The following GRID1 variants were observed in gnomAD, a reference collection of about 807,000 sequenced individuals.
GRID1 encodes the protein glutamate ionotropic receptor delta type subunit 1.
Under a neutral mutation model 98.0 loss-of-function variants are expected in GRID1, and 28 were observed. The observed-to-expected ratio is 0.29, with a 90% CI of 0.21 to 0.39. The LOEUF is 0.39. Ranked by LOEUF, GRID1 falls within the 10% of genes least tolerant of loss-of-function variation. GRID1 has a pLI of 1.00. For synonymous variants in GRID1, 553 were observed against 538.5 expected, an observed-to-expected ratio of 1.03 and a Z score of -0.37; for missense variants, 1,111 against 1,340.5, an observed-to-expected ratio of 0.83 and a Z score of 2.67.
chr10:86,301,120 G>A (rs1008040691), intron 2 of GRID1, among the ~76,000 whole-genome samples: 1 of 152,112 alleles, frequency 6.6e-6, no homozygotes, highest in Non-Finnish European at 1.5e-5. Context: ...TAGCTTTCAG[G>A]TGCCCCCCAC....
chr10:85,606,240 T>C (rs2255329), intron 15 of GRID1: 52,645 of 152,092 alleles, frequency 0.35, 9,236 homozygotes, highest in Middle Eastern at 0.51. Flanking sequence ...AACTCCCTAC[T>C]GCAGTTATCA....
At chr10:85,716,228 T>G (rs971265131) in intron 12 of GRID1, among the ~76,000 whole-genome samples, 15 of 152,142 alleles carry the variant, frequency 9.9e-5, no homozygotes, top group Non-Finnish European at 2.2e-4. Context: ...ACTTTTTATC[T>G]GCAAATAATT....
At chr10:85,825,185 TC>T (rs1262294368) in intron 8 of GRID1, among the ~76,000 whole-genome samples, 1 of 152,238 alleles carries the variant, frequency 6.6e-6, no homozygotes, top group Non-Finnish European at 1.5e-5. Flanking sequence ...TTTCACCACA[TC>T]CATGCCAACA....
At chr10:85,781,813 A>T (rs1842383934) in intron 8 of GRID1, among the ~76,000 whole-genome samples, 1 of 151,780 alleles carries the variant, frequency 6.6e-6, no homozygotes, top group African/African-American at 2.4e-5. Context: ...TTGAAAAAAA[A>T]AAAAACCAAA....
intron 8 of GRID1, among the ~76,000 whole-genome samples, chr10:85,753,569 C>A (rs955548865): frequency 5.3e-5 from 8 of 152,232 alleles, no homozygotes; most frequent in African/African-American, 1.9e-4. Context: ...TGTGAGATAT[C>A]CCATTGCTGG....
chr10:86,113,256 C>T (rs1206221593), intron 4 of GRID1, among the ~76,000 whole-genome samples: 1 of 152,162 alleles, frequency 6.6e-6, no homozygotes, highest in East Asian at 1.9e-4. Flanking sequence ...TCGTCTAGCC[C>T]ACATAACCCC....
chr10:86,337,465 G>A (rs945763664), intron 2 of GRID1, among the ~76,000 whole-genome samples: 1 of 152,116 alleles, frequency 6.6e-6, no homozygotes, highest in Non-Finnish European at 1.5e-5. Flanking sequence ...ACCACAGAAA[G>A]CCAGCACTCG....
chr10:86,174,043 G>A (rs574975404), intron 3 of GRID1, among the ~76,000 whole-genome samples: 8 of 152,120 alleles, frequency 5.3e-5, no homozygotes, highest in Non-Finnish European at 1.0e-4. Flanking sequence ...ACATACGTGT[G>A]CATGTGTCTT....
At chr10:86,345,207 C>T (rs912704086) in intron 2 of GRID1, among the ~76,000 whole-genome samples, 8 of 152,248 alleles carry the variant, frequency 5.3e-5, no homozygotes, top group Admixed American at 2.6e-4. Flanking sequence ...GGGCCTCGAG[C>T]TGCCATATGT....
chr10:86,291,556 G>A (rs1847512442), intron 2 of GRID1, among the ~76,000 whole-genome samples: 1 of 152,150 alleles, frequency 6.6e-6, no homozygotes, highest in Admixed American at 6.5e-5. Context: ...TTCAGCACAG[G>A]CCATCCACCT....
chr10:85,767,142 C>A (rs1017960293), intron 8 of GRID1, among the ~76,000 whole-genome samples: 27 of 152,296 alleles, frequency 1.8e-4, no homozygotes, highest in Admixed American at 8.5e-4. Context: ...AGAAGCTGGG[C>A]CACTCAGGCA....
chr10:85,866,556 T>G (rs1440495985), intron 6 of GRID1, among the ~76,000 whole-genome samples: 1 of 152,114 alleles, frequency 6.6e-6, no homozygotes, highest in Non-Finnish European at 1.5e-5. Flanking sequence ...TTTTTTAGTG[T>G]CATTTTGGCA....
intron 3 of GRID1, among the ~76,000 whole-genome samples, chr10:86,157,745 C>A (rs1161310623): frequency 6.6e-6 from 1 of 152,180 alleles, no homozygotes; most frequent in African/African-American, 2.4e-5. Flanking sequence ...ACCCTAGGGA[C>A]AACCTGGAAT....
intron 4 of GRID1, among the ~76,000 whole-genome samples, chr10:85,973,860 A>C (rs1171628783): frequency 6.6e-6 from 1 of 152,258 alleles, no homozygotes; most frequent in African/African-American, 2.4e-5. Context: ...CTGAAGTCAG[A>C]TTATGTGGAT....
chr10:85,914,570 T>G (rs1251767899), intron 5 of GRID1, among the ~76,000 whole-genome samples: 1 of 152,038 alleles, frequency 6.6e-6, no homozygotes, highest in Admixed American at 6.6e-5. Context: ...TTACTGCACG[T>G]CCCCAGCTGC....
intron 4 of GRID1, among the ~76,000 whole-genome samples, chr10:86,061,510 G>C (rs1398427837): frequency 6.6e-6 from 1 of 152,132 alleles, no homozygotes; most frequent in African/African-American, 2.4e-5. Context: ...CCACTGCCAG[G>C]TTCCTATTCC....
chr10:85,869,065 T>A lies in GRID1; in HGVS notation c.896A>T (p.His299Leu). ...GTCGCAGAGCAGGGAGGAGATGCGGTGGTTGTTCCTCGTGCATTTCTGATT... is the reference window on the plus strand; with the variant it reads ...GTCGCAGAGCAGGGAGGAGATGCGGAGGTTGTTCCTCGTGCATTTCTGATT... Reference protein sequence around the residue: ...KDNQKCTRNNHRISSLLCDPQ... With the variant: ...KDNQKCTRNNLRISSLLCDPQ... The change falls in exon 6 of 16, where the codon CAC (histidine) becomes CTC (leucine). Residue 299 changes from histidine (H) to leucine (L), a missense_variant. His to Leu is a moderately conservative substitution (Grantham distance 99). Around this residue, in one of 3 missense-constraint regions of GRID1, gnomAD observed 346 missense variants for 452.3 expected, o/e 0.76. Transcript: ENST00000327946. The A allele has an allele frequency of 6.2e-7, 1 of 1,614,008 alleles. No homozygotes were observed. Among genetic ancestry groups the A allele is most frequent in the Non-Finnish European group, 8.5e-7 (1 of 1,179,928 alleles).
intron 8 of GRID1, among the ~76,000 whole-genome samples, chr10:85,746,002 T>C (rs1841992827): frequency 6.6e-6 from 1 of 152,190 alleles, no homozygotes; most frequent in African/African-American, 2.4e-5. Flanking sequence ...AAAATTGGTA[T>C]TGACCAGTGA....
chr10:86,366,284 A>C lies in GRID1; in HGVS notation c.79+30T>G, dbSNP rs2132126873. Reference sequence around the variant, plus strand: ...CCCTGCCCCGTTGGGGCCCCCGCCCAGCCTCGGCCCGGCCTCCAGCCGCGC... The same window carrying C: ...CCCTGCCCCGTTGGGGCCCCCGCCCCGCCTCGGCCCGGCCTCCAGCCGCGC... On this transcript the variant is annotated intron_variant, in intron 1 of 15. Transcript: ENST00000327946. The surrounding 1 kb of genome is among the most constrained non-coding windows in gnomAD (Gnocchi z 4.1). The C allele has an allele frequency of 2.7e-6, 4 of 1,455,698 alleles. No homozygotes were observed. In the South Asian group the frequency reaches 5.1e-5, roughly 19 times the overall value. 90.2% of individuals were successfully genotyped at this position (1,455,698 alleles called of 1,614,324 possible).
Sources: gnomAD v4.1 joint callset for allele counts (sites outside exome capture counted in the v4.1 genomes callset) on GRCh38, gnomAD v4.1.1 for gene constraint, gnomAD v4.1.1 regional missense constraint, Gnocchi (gnomAD v3.1) non-coding constraint, MANE v1.5 for transcripts, NCBI Gene and HGNC (gene_info 2026-07-23, HGNC 2026-07-21) for gene names.